SH2B2: variants seen among roughly 807,000 people sequenced by gnomAD.
SH2B2 encodes the protein SH2B adapter protein 2.
Under a neutral mutation model 35.7 loss-of-function variants are expected in SH2B2, and 37 were observed. The ratio of observed to expected loss-of-function variants is 1.04; its 90% CI spans 0.80 to 1.36. SH2B2 has a LOEUF of 1.36. Ranked by LOEUF, SH2B2 falls within the 40% of genes most tolerant of loss-of-function variation. The pLI is 0.00. For synonymous variants in SH2B2, 383 were observed against 376.4 expected, an observed-to-expected ratio of 1.02 and a Z score of -0.20; for missense variants, 852 against 817.7, an observed-to-expected ratio of 1.04 and a Z score of -0.51.
chr7:102,321,517 A>G lies in SH2B2; in HGVS notation c.1786A>G (p.Ser596Gly). ...VEGQLSARSR[S>G]NSAERLLEAV... is the part of the protein sequence containing the mutation. ...GGGCCAGCTCAGCGCGCGGAGCCGCAGCAACAGCGCCGAGCGCCTGCTGGA... is the reference window on the plus strand; with the variant it reads ...GGGCCAGCTCAGCGCGCGGAGCCGCGGCAACAGCGCCGAGCGCCTGCTGGA... The change falls in exon 9 of 9, where the codon AGC becomes GGC. Residue 596 changes from serine to glycine, a missense_variant. Ser to Gly is a moderately conservative substitution (Grantham distance 56). This residue lies in a region of SH2B2 where 556 missense variants were observed against 514.5 expected (regional missense o/e 1.08). Coordinates refer to ENST00000444095, the MANE Select transcript of SH2B2 (RefSeq NM_001359228.2). 8.7e-7 allele frequency: 1 copy of G among 1,146,668 alleles called. No individual in the cohort carries two copies. The highest frequency in any genetic ancestry group is 3.9e-5 in the South Asian group (1 of 25,746). The allele number at this position is 1,146,668 out of a possible 1,614,324, so 71.0% of individuals were successfully genotyped here.
intron 3 of SH2B2, among the ~76,000 whole-genome samples, chr7:102,308,115 C>T (rs1384042852): frequency 6.6e-6 from 1 of 152,228 alleles, no homozygotes; most frequent in Non-Finnish European, 1.5e-5. Context: ...AAGCCAACAG[C>T]ACGGGACCTG....
At position 102,321,322 on chromosome 7, in the gene SH2B2, G is replaced by A; in HGVS notation, c.1591G>A (p.Ala531Thr). 1 of 1,427,826 alleles carries A rather than the reference G, an allele frequency of 7.0e-7. No homozygotes were observed. Among genetic ancestry groups the A allele is most frequent in the Admixed American group, 2.9e-5 (1 of 34,276 alleles). 88.4% of individuals were successfully genotyped at this position (1,427,826 alleles called of 1,614,324 possible). Residue 531 changes from alanine to threonine, a missense_variant, in exon 9 of 9, where the codon GCG (alanine) becomes ACG (threonine). Physicochemically the swap from Ala to Thr is moderately conservative, Grantham distance 58. Transcript: ENST00000444095. ...AGAGCCGGGCCCCACGCCCCCTGCC[G>A]CGCCCGCGTCCCCGGCCTGCTGGAG... ...PPEPGPTPPA[A>T]PASPACWSDS... is the part of the protein sequence containing the mutation.
intron 4 of SH2B2, chr7:102,309,356 T>TC (rs1491154195): frequency 5.1e-4 from 29 of 57,024 alleles, no homozygotes; most frequent in Middle Eastern, 9.4e-3. Context: ...TCTCTCTCTC[T>TC]TTTTTTTTTT....
chr7:102,293,883 T>G (rs1792795491), intron 1 of SH2B2, among the ~76,000 whole-genome samples: 1 of 152,046 alleles, frequency 6.6e-6, no homozygotes, highest in Admixed American at 6.5e-5. Flanking sequence ...AGTCCAGCAC[T>G]GCCTGGCACC....
chr7:102,300,325 C>T (rs1192838543), intron 1 of SH2B2, among the ~76,000 whole-genome samples, 197 bp from the exon 2 acceptor site: 10 of 152,206 alleles, frequency 6.6e-5, no homozygotes, highest in Non-Finnish European at 1.5e-4. Flanking sequence ...CCACCGCGCC[C>T]GGCCCCAGTT....
At chr7:102,321,085 G>A (rs1554558375) in intron 8 of SH2B2, among the ~76,000 whole-genome samples, 1 of 152,184 alleles carries the variant, frequency 6.6e-6, no homozygotes, top group African/African-American at 2.4e-5. Flanking sequence ...TGTGCATGTG[G>A]CTATATGGGC....
chr7:102,312,699 T>G (rs1368169431), intron 4 of SH2B2, among the ~76,000 whole-genome samples: 3 of 152,210 alleles, frequency 2.0e-5, no homozygotes, highest in Non-Finnish European at 2.9e-5. Context: ...CCTTTTGTTT[T>G]TACTTTTTTT....
upstream of SH2B2, among the ~76,000 whole-genome samples, chr7:102,286,578 C>G (rs530915106): frequency 6.6e-6 from 1 of 151,840 alleles, no homozygotes; most frequent in South Asian, 2.1e-4. Flanking sequence ...GGGGCCGGCT[C>G]GGCGACATGG....
At chr7:102,308,983 C>T (rs1793509978) in intron 4 of SH2B2, 77 bp downstream of exon 4, 1 of 1,150,168 alleles carries the variant, frequency 8.7e-7, no homozygotes, top group Non-Finnish European at 1.3e-6. Flanking sequence ...GGAGCAGCTT[C>T]CTAGCAGGGC....
In SH2B2 at chr7:102,301,169, G is replaced by T. The variant is rs782727535; in HGVS notation, c.619G>T (p.Asp207Tyr). 6.4e-7 allele frequency: 1 copy of T among 1,572,400 alleles called. No homozygotes were observed. Among genetic ancestry groups the T allele is most frequent in the African/African-American group, 1.4e-5 (1 of 72,426 alleles). ...GGCGCTGCGCTTCATGGTGGCCGAC[G>T]ACGCGGCCGCGGGCTCCGGGGGCTC... is the stretch of plus-strand genomic sequence containing the variant. ...EGALRFMVAD[D>Y]AAAGSGGSAQ... The change falls in exon 2 of 9, where the codon GAC becomes TAC. Residue 207 changes from aspartate to tyrosine, a missense_variant. Asp to Tyr is a radical substitution (Grantham distance 160). Coordinates refer to ENST00000444095, the MANE Select transcript of SH2B2 (RefSeq NM_001359228.2).
intron 2 of SH2B2, among the ~76,000 whole-genome samples, chr7:102,303,094 G>A (rs1157945811): frequency 6.6e-6 from 1 of 151,822 alleles, no homozygotes; most frequent in Non-Finnish European, 1.5e-5. Context: ...TTACATGCCT[G>A]TAATCACAGC....
intron 1 of SH2B2, among the ~76,000 whole-genome samples, chr7:102,296,708 G>A (rs1792933694): frequency 6.6e-6 from 1 of 152,200 alleles, no homozygotes; most frequent in Admixed American, 6.5e-5. Context: ...TTCAAAATCG[G>A]ATTTGAATGG....
intron 2 of SH2B2, among the ~76,000 whole-genome samples, chr7:102,305,085 G>A (rs1273780599): frequency 3.9e-5 from 6 of 152,080 alleles, no homozygotes; most frequent in African/African-American, 1.4e-4. Context: ...GATCAACCCT[G>A]CCCGCAGCGT....
chr7:102,304,683 G>A (rs997422323), intron 2 of SH2B2, among the ~76,000 whole-genome samples: 2 of 152,190 alleles, frequency 1.3e-5, no homozygotes, highest in Non-Finnish European at 2.9e-5. Context: ...TTCCAAACTG[G>A]GGAACCACAG....
In SH2B2 at chr7:102,299,197, C is replaced by CTTTTTTTTTTTTTTTTTTTTTTTT. The variant is rs71123035; in HGVS notation, c.-29-1306_-29-1305insTTTTTTTTTTTTTTTTTTTTTTTT. ...TACAGGCATGAGCCACCGCGCCTGG[C>CTTTTTTTTTTTTTTTTTTTTTTTT]TTTTTTTTTTTTTTTTTTTGAGGTG... On this transcript the variant is annotated intron_variant, in intron 1 of 8. Coordinates refer to ENST00000444095, the MANE Select transcript of SH2B2 (RefSeq NM_001359228.2). Among the ~76,000 whole-genome samples, 163 of 24,620 alleles carry CTTTTTTTTTTTTTTTTTTTTTTTT rather than the reference C, an allele frequency of 6.6e-3. 46 individuals carry two copies. The highest frequency in any genetic ancestry group is 7.7e-3 in the Non-Finnish European group (111 of 14,432). The allele number at this position is 24,620 out of a possible 152,430, so 16.2% of individuals were successfully genotyped here.
chr7:102,320,572 C>A, intron 8 of SH2B2, 70 bp downstream of exon 8: 1 of 1,531,504 alleles, frequency 6.5e-7, no homozygotes, highest in Admixed American at 1.9e-5. Context: ...AGAAGGTGGT[C>A]CCTGGGGTGG....
intron 6 of SH2B2, among the ~76,000 whole-genome samples, chr7:102,315,786 A>C (rs1254597157): frequency 3.0e-5 from 2 of 66,674 alleles, no homozygotes; most frequent in East Asian, 4.3e-4. Context: ...GAAAGGAGGG[A>C]GGGAGGGAGG....
At chr7:102,315,867 T>G (rs1035439713) in intron 6 of SH2B2, among the ~76,000 whole-genome samples, 3 of 151,514 alleles carry the variant, frequency 2.0e-5, no homozygotes, top group African/African-American at 7.3e-5. Flanking sequence ...GGCGACTGGA[T>G]TTGTTCCTAA....
chr7:102,289,165 G>A lies in SH2B2; in HGVS notation c.-30+2071G>A, dbSNP rs113615492. Among the ~76,000 whole-genome samples, 162 of 152,336 alleles carry A rather than the reference G, an allele frequency of 1.1e-3. 2 individuals are homozygous for A. The highest frequency in any genetic ancestry group is 3.5e-3 in the African/African-American group (147 of 41,564). On this transcript the variant is annotated intron_variant, in intron 1 of 8. Transcript: ENST00000444095. ...CAAGGCAGGGCATCGCTGTGTGGGC[G>A]TGCAGCATCTTTTGGTTCCTCTGGG...
Sources: gnomAD v4.1 joint callset for allele counts (sites outside exome capture counted in the v4.1 genomes callset) on GRCh38, gnomAD v4.1.1 for gene constraint, gnomAD v4.1.1 regional missense constraint, MANE v1.5 for transcripts, NCBI Gene and HGNC (gene_info 2026-07-23, HGNC 2026-07-21) for gene names.